The following GLIS3 variants were observed in gnomAD, a reference collection of about 807,000 sequenced individuals.
GLIS3 encodes GLIS family zinc finger 3.
GLIS3 carries 53 observed loss-of-function variants against 78.6 expected under a neutral mutation model. The observed-to-expected ratio is 0.67, with a 90% CI of 0.54 to 0.85. GLIS3 has a LOEUF of 0.85. Among genes scored for constraint, GLIS3 ranks in the 40% least tolerant of loss-of-function variants. The probability of loss-of-function intolerance (pLI) is 0.00; values close to 1 mark genes in which losing one functional copy is unlikely to be tolerated. For synonymous variants in GLIS3, 684 were observed against 509.9 expected (o/e 1.34, Z -4.60); for missense variants, 1,703 against 1,231.1 (o/e 1.38, Z -5.74).
chr9:3,950,531 T>C (rs1448808719), intron 4 of GLIS3, among the ~76,000 whole-genome samples: 1 of 152,236 alleles, frequency 6.6e-6, no homozygotes, highest in Non-Finnish European at 1.5e-5. Flanking sequence ...CCTCAGGGCA[T>C]TTGCACATGC....
At chr9:4,013,265 C>G (rs978683641) in intron 4 of GLIS3, among the ~76,000 whole-genome samples, 2 of 152,142 alleles carry the variant, frequency 1.3e-5, no homozygotes, top group Non-Finnish European at 2.9e-5. Context: ...TAAAGACTTA[C>G]GTGACAGACT....
intron 2 of GLIS3, among the ~76,000 whole-genome samples, chr9:4,166,114 C>G (rs1282920555): frequency 6.6e-6 from 1 of 152,228 alleles, no homozygotes; most frequent in African/African-American, 2.4e-5. Flanking sequence ...ATTACTCCCT[C>G]TGGCAAATGC....
chr9:4,107,233 A>C (rs901747533), intron 4 of GLIS3, among the ~76,000 whole-genome samples: 3 of 152,160 alleles, frequency 2.0e-5, no homozygotes, highest in African/African-American at 4.8e-5. Context: ...GGGCACTTCT[A>C]GTTCCTTGTG....
At chr9:3,908,389 C>T (rs1823865814) in intron 6 of GLIS3, among the ~76,000 whole-genome samples, 1 of 152,174 alleles carries the variant, frequency 6.6e-6, no homozygotes, top group Admixed American at 6.5e-5. Flanking sequence ...TGGACATAGA[C>T]TTGTGACAAC....
intron 4 of GLIS3, among the ~76,000 whole-genome samples, chr9:3,981,430 G>A (rs910649258): frequency 3.9e-5 from 6 of 152,100 alleles, no homozygotes; most frequent in Non-Finnish European, 2.9e-5. Flanking sequence ...TTCAAAATGT[G>A]CCTCTTCACC....
intron 4 of GLIS3, among the ~76,000 whole-genome samples, chr9:3,985,283 C>G (rs1040819565): frequency 6.6e-6 from 1 of 152,148 alleles, no homozygotes; most frequent in Non-Finnish European, 1.5e-5. Flanking sequence ...GCTGGGACCA[C>G]AGGTGTGTGC....
Position 4,245,924 on chromosome 9 carries a change from A to T in GLIS3, c.388+40114T>A, listed in dbSNP as rs376132494. Among the ~76,000 whole-genome samples, 28 of 152,176 alleles carry T rather than the reference A, an allele frequency of 1.8e-4. 1 individual carries two copies. In the South Asian group the frequency reaches 1.9e-3, roughly 10 times the overall value. On this transcript the variant is annotated intron_variant, in intron 2 of 10. Transcript: ENST00000381971. ...TCTTCTATTATTTCCTCCGGTATTTATTTTTATTTTTTCAGACTGTCTTAG... is the reference window on the plus strand; with the variant it reads ...TCTTCTATTATTTCCTCCGGTATTTTTTTTTATTTTTTCAGACTGTCTTAG...
intron 4 of GLIS3, among the ~76,000 whole-genome samples, chr9:4,108,357 G>A (rs951497257): frequency 4.6e-5 from 7 of 152,088 alleles, no homozygotes; most frequent in African/African-American, 1.4e-4. Flanking sequence ...TCAATTCGAT[G>A]GAGAGCAAAA....
At chr9:3,869,707 T>C (rs370126191) in intron 8 of GLIS3, among the ~76,000 whole-genome samples, 23 of 152,334 alleles carry the variant, frequency 1.5e-4, no homozygotes, top group South Asian at 1.2e-3. Context: ...CATTGGTCTT[T>C]TACCTTTCTC....
At chr9:4,325,112 G>A (rs536932550) in intron 2 of GLIS3, among the ~76,000 whole-genome samples, 2 of 152,224 alleles carry the variant, frequency 1.3e-5, no homozygotes, top group South Asian at 4.1e-4. Context: ...CTCAAACTGG[G>A]ACCTGAACCC....
At chr9:4,381,587 A>G in the GLIS3 span, among the ~76,000 whole-genome samples, 3 of 152,178 alleles carry the variant, frequency 2.0e-5, no homozygotes, top group Non-Finnish European at 4.4e-5. Flanking sequence ...TTTGGTACTA[A>G]TATCTGCATG....
chr9:4,109,543 A>G lies in GLIS3; in HGVS notation c.1710+8225T>C, dbSNP rs554409369. Among the ~76,000 whole-genome samples, 5 of 152,362 alleles carry G rather than the reference A, an allele frequency of 3.3e-5. No individual in the cohort carries two copies. In the South Asian group the frequency reaches 8.3e-4, roughly 25 times the overall value. ...ATATGTTTTAATGAGGAATTAAACT[A>G]TAAACTTTAAGAGATAATGGAGAAG... On this transcript the variant is annotated intron_variant, in intron 4 of 10. Transcript: ENST00000381971.
chr9:4,017,144 C>G (rs980641286), intron 4 of GLIS3, among the ~76,000 whole-genome samples: 10 of 152,104 alleles, frequency 6.6e-5, no homozygotes, highest in African/African-American at 2.2e-4. Context: ...CACTGCCACC[C>G]AGATATCTGC....
At chr9:4,093,749 T>A (rs1243046547) in intron 4 of GLIS3, among the ~76,000 whole-genome samples, 1 of 152,168 alleles carries the variant, frequency 6.6e-6, no homozygotes, top group Non-Finnish European at 1.5e-5. Context: ...TAGATTGCAG[T>A]TATGTGTGCT....
the GLIS3 span, among the ~76,000 whole-genome samples, chr9:4,459,972 C>A: frequency 5.3e-5 from 8 of 152,332 alleles, no homozygotes; most frequent in Non-Finnish European, 1.0e-4. Context: ...TTAATAAGAG[C>A]TGTTTCAGTA....
At chr9:4,453,210 T>A in the GLIS3 span, among the ~76,000 whole-genome samples, 2 of 151,990 alleles carry the variant, frequency 1.3e-5, no homozygotes, top group African/African-American at 4.8e-5. Flanking sequence ...ATAAAAACTC[T>A]AGAAGAAAAC....
intron 2 of GLIS3, among the ~76,000 whole-genome samples, chr9:4,208,789 T>C (rs1401834374): frequency 6.6e-6 from 1 of 152,154 alleles, no homozygotes; most frequent in African/African-American, 2.4e-5. Flanking sequence ...TGCCTGGAGA[T>C]GGAACTCAAT....
chr9:4,472,262 T>C, the GLIS3 span, among the ~76,000 whole-genome samples: 1 of 152,318 alleles, frequency 6.6e-6, no homozygotes, highest in Admixed American at 6.5e-5. Flanking sequence ...ACTGGGTACA[T>C]ACCCAAAGGA....
chr9:3,926,072 G>C (rs1825204462), intron 6 of GLIS3, among the ~76,000 whole-genome samples: 2 of 152,238 alleles, frequency 1.3e-5, no homozygotes, highest in Admixed American at 6.5e-5. Context: ...CCTCAATTGA[G>C]TGCCATCTCC....
Sources: allele counts gnomAD v4.1 joint callset (sites outside exome capture counted in the v4.1 genomes callset), GRCh38; gene constraint gnomAD v4.1.1; transcripts MANE v1.5; gene names NCBI Gene and HGNC (gene_info 2026-07-23, HGNC 2026-07-21).